Variants in KDM5A observed in about 807,000 individuals in gnomAD.
KDM5A encodes the protein lysine demethylase 5A, also known as lysine-specific demethylase 5A.
Under a neutral mutation model 193.5 loss-of-function variants are expected in KDM5A, and 42 were observed. The ratio of observed to expected loss-of-function variants is 0.22; its 90% CI spans 0.17 to 0.28. The LOEUF is 0.28. KDM5A is among the 10% of genes least tolerant of loss of function. KDM5A has a pLI of 1.00. For missense variants in KDM5A, 1,692 were observed against 2,055.1 expected, an observed-to-expected ratio of 0.82 and a Z score of 3.42; for synonymous variants, 796 against 718.1, an observed-to-expected ratio of 1.11 and a Z score of -1.73.
chr12:308,152 AC>A (rs1943536651), intron 22 of KDM5A, 147 bp from the exon 23 acceptor site: 1 of 781,602 alleles, frequency 1.3e-6, no homozygotes, highest in African/African-American at 1.7e-5. Flanking sequence ...TTCCATGCAA[AC>A]ATTCCTCAAG....
rs573404829 is a variant in KDM5A, at chr12:340,462, A to G, written c.1309-6040T>C. Among the ~76,000 whole-genome samples, 10 of 152,168 alleles carry G rather than the reference A, an allele frequency of 6.6e-5. 1 individual carries two copies. Among genetic ancestry groups the G allele is most frequent in the South Asian group, 2.1e-4 (1 of 4,812 alleles). On this transcript the variant is annotated intron_variant, in intron 10 of 27. Coordinates refer to ENST00000399788, the MANE Select transcript of KDM5A (RefSeq NM_001042603.3). ...TGTAATCCCAGCACTTTGGGAGGCCAAGGCGGGCAAATCATGAGGTCAGTA... is the reference window on the plus strand; with the variant it reads ...TGTAATCCCAGCACTTTGGGAGGCCGAGGCGGGCAAATCATGAGGTCAGTA...
chr12:356,560 A>G (rs1007716032), intron 5 of KDM5A, 23 bp from the exon 6 acceptor site: 3 of 1,441,858 alleles, frequency 2.1e-6, no homozygotes, highest in Non-Finnish European at 2.0e-6. Flanking sequence ...CAAAATTCAC[A>G]TTAGCATAAT....
At chr12:295,287 A>AAG (rs200481908) in intron 26 of KDM5A, among the ~76,000 whole-genome samples, 22,517 of 150,388 alleles carry the variant, frequency 0.15, 1,980 homozygotes, top group Non-Finnish European at 0.2. Context: ...AAAGGAAAGA[A>AAG]GAAAAAAGAA....
intron 3 of KDM5A, among the ~76,000 whole-genome samples, chr12:375,887 G>A (rs1184151123): frequency 6.6e-6 from 1 of 152,216 alleles, no homozygotes; most frequent in Non-Finnish European, 1.5e-5. Context: ...GGAGGCTGTA[G>A]AACAGCGAAT....
intron 5 of KDM5A, among the ~76,000 whole-genome samples, chr12:357,631 C>T (rs976959352): frequency 6.6e-6 from 1 of 151,544 alleles, no homozygotes; most frequent in Non-Finnish European, 1.5e-5. Context: ...AGTTCTAAAC[C>T]AGCCCGCCCA....
At position 281,755 on chromosome 12, in the gene KDM5A, A is replaced by G. The variant is rs1943156100; in HGVS notation, c.*3701T>C. 1 of 233,822 alleles carries G rather than the reference A, an allele frequency of 4.3e-6. No individual in the cohort carries two copies. The highest frequency in any genetic ancestry group is 8.4e-6 in the Non-Finnish European group (1 of 118,408). The allele number at this position is 233,822 out of a possible 1,614,324, so 14.5% of individuals were successfully genotyped here. On this transcript the variant is annotated 3_prime_UTR_variant, in exon 28 of 28. Transcript: ENST00000399788. ...TGGATAAACCCATCTTTTGAAAGAC[A>G]GGTCTTCTCAGTTTTTCTGTTCATC...
At position 283,204 on chromosome 12, in the gene KDM5A, C is replaced by T; in HGVS notation, c.*2252G>A. 4.3e-6 allele frequency: 1 copy of T among 230,946 alleles called. No homozygotes were observed. The highest frequency in any genetic ancestry group is 8.6e-6 in the Non-Finnish European group (1 of 116,478). The allele number at this position is 230,946 out of a possible 1,614,324, so 14.3% of individuals were successfully genotyped here. A position where few individuals can be genotyped will look rare whatever the true frequency, so the allele number is the denominator to read the frequency against. ...TTAAAATTACATTCAATTTTTAACC[C>T]ACAAATATCTGAAGACTGTTACAAA... On this transcript the variant is annotated 3_prime_UTR_variant, in exon 28 of 28. Coordinates refer to ENST00000399788, the MANE Select transcript of KDM5A (RefSeq NM_001042603.3).
At position 307,051 on chromosome 12, in the gene KDM5A, C is replaced by T. The variant is rs1232112751; in HGVS notation, c.3969G>A (p.Arg1323=). 1 of 1,614,038 alleles carries T rather than the reference C, an allele frequency of 6.2e-7. No homozygotes were observed. ...GAGAAGATGACACACTGCTCACCAC[C>T]CGGTTAAAAGCAGACTGCTGGAAAC... ...LPSFQQSAFN[R]VVSSVSSSPR... The change falls in exon 24 of 28, where the codon CGG becomes CGA. Residue 1323 remains arginine (R), a synonymous_variant. Transcript: ENST00000399788. This position sits in a 1 kb window ranked among gnomAD's most constrained non-coding sequence, Gnocchi z 4.3.
At chr12:341,729 A>G (rs889377018) in intron 10 of KDM5A, among the ~76,000 whole-genome samples, 3 of 151,980 alleles carry the variant, frequency 2.0e-5, no homozygotes, top group Non-Finnish European at 4.4e-5. Context: ...GTGAAACCTC[A>G]TCTCTGCTAA....
At chr12:309,997 GT>G in intron 21 of KDM5A, 33 bp from the exon 22 acceptor site, 1 of 1,602,880 alleles carries the variant, frequency 6.2e-7, no homozygotes, top group East Asian at 2.2e-5. Flanking sequence ...ATAAACTCTG[GT>G]TTTGAAAATA....
chr12:301,439 T>C (rs1048430528), intron 24 of KDM5A, among the ~76,000 whole-genome samples: 6 of 152,158 alleles, frequency 3.9e-5, no homozygotes, highest in African/African-American at 1.4e-4. Context: ...ACATGATTAT[T>C]ATCTCGATAG....
In KDM5A at chr12:356,453, T is replaced by C. The variant is rs751702886; in HGVS notation, c.757A>G (p.Met253Val). Reference sequence around the variant, plus strand: ...TTACCTTCTTTATCTTTTGTTCCCATTGCCAAGCCCACAACCTTGGGCCCA... The same window carrying C: ...TTACCTTCTTTATCTTTTGTTCCCACTGCCAAGCCCACAACCTTGGGCCCA... ...GAGPKVVGLA[M>V]GTKDKEDEVT... The change falls in exon 6 of 28, where the codon ATG (methionine) becomes GTG (valine). Residue 253 changes from methionine to valine, a missense_variant. This residue lies in a region of KDM5A where 134 missense variants were observed against 124.2 expected (regional missense o/e 1.08). Coordinates refer to ENST00000399788, the MANE Select transcript of KDM5A (RefSeq NM_001042603.3). 3.7e-6 allele frequency: 6 copies of C among 1,610,716 alleles called. No homozygotes were observed. Among genetic ancestry groups the C allele is most frequent in the Middle Eastern group, 1.7e-4 (1 of 6,060 alleles).
Position 331,808 on chromosome 12 carries a change from A to G in KDM5A, c.1773+11T>C. 6.2e-7 allele frequency: 1 copy of G among 1,613,906 alleles called. No homozygotes were observed. Among genetic ancestry groups the G allele is most frequent in the Non-Finnish European group, 8.5e-7 (1 of 1,179,834 alleles). On this transcript the variant is annotated intron_variant, in intron 13 of 27. Transcript: ENST00000399788. ...AGTAGACGTACAACAGCCACTTGCT[A>G]TAGAACAGACCCAGTCAGCAGTACA...
intron 3 of KDM5A, among the ~76,000 whole-genome samples, chr12:383,011 G>A (rs1440760210): frequency 1.3e-5 from 2 of 151,380 alleles, no homozygotes; most frequent in East Asian, 1.9e-4. Flanking sequence ...TTTCACATTA[G>A]GGAATATAAT....
chr12:378,582 A>G (rs1944537338), intron 3 of KDM5A, among the ~76,000 whole-genome samples: 1 of 152,212 alleles, frequency 6.6e-6, no homozygotes, highest in South Asian at 2.1e-4. Flanking sequence ...TTGTGTTTTA[A>G]AAGTGTACTA....
chr12:294,521 A>G (rs1565523994), intron 26 of KDM5A, among the ~76,000 whole-genome samples: 1 of 152,234 alleles, frequency 6.6e-6, no homozygotes, highest in Non-Finnish European at 1.5e-5. Flanking sequence ...AGTAAAAGAA[A>G]AAGGATTGGG....
intron 9 of KDM5A, 76 bp downstream of exon 9, chr12:352,129 A>G: frequency 8.4e-6 from 7 of 835,420 alleles, no homozygotes; most frequent in Admixed American, 2.5e-5. Context: ...AAAAAAAAAA[A>G]AGAGGAAACT....
chr12:312,486 C>A (rs1352812919), intron 20 of KDM5A, among the ~76,000 whole-genome samples: 5 of 152,134 alleles, frequency 3.3e-5, no homozygotes, highest in African/African-American at 1.2e-4. Context: ...AAATTCCCTA[C>A]TGCTTAAGAG....
At chr12:330,755 G>GT (rs1441723095) in intron 13 of KDM5A, among the ~76,000 whole-genome samples, 10 of 152,288 alleles carry the variant, frequency 6.6e-5, no homozygotes, top group African/African-American at 2.2e-4. Flanking sequence ...ACTATTCATT[G>GT]TATCATTTTA....
Sources: gnomAD v4.1 joint callset for allele counts (sites outside exome capture counted in the v4.1 genomes callset) on GRCh38, gnomAD v4.1.1 for gene constraint, gnomAD v4.1.1 regional missense constraint, Gnocchi (gnomAD v3.1) non-coding constraint, MANE v1.5 for transcripts, NCBI Gene and HGNC (gene_info 2026-07-23, HGNC 2026-07-21) for gene names.